Variants in ARSH observed in about 807,000 individuals in gnomAD.
The protein encoded by ARSH is arylsulfatase H.
ARSH carries 32 observed loss-of-function variants against 28.7 expected under a neutral mutation model. The observed-to-expected ratio is 1.11, with a 90% CI of 0.84 to 1.50. ARSH has a LOEUF of 1.50. Ranked by LOEUF, ARSH falls within the 40% of genes most tolerant of loss-of-function variation. The pLI is 0.00. For synonymous variants in ARSH, 176 were observed against 177.3 expected (o/e 0.99, Z 0.06); for missense variants, 440 against 452.4 (o/e 0.97, Z 0.25).
At chrX:3,012,908 C>A in intron 2 of ARSH, 139 bp from the exon 3 acceptor site, 1 of 729,118 alleles carries the variant, frequency 1.4e-6, no homozygotes, top group Non-Finnish European at 2.0e-6. Context: ...GGGTCAAGGA[C>A]GTACAGCCAG....
At chrX:3,018,057 T>C (rs1381001989) in intron 4 of ARSH, among the ~76,000 whole-genome samples, 1 of 112,119 alleles carries the variant, frequency 8.9e-6, no homozygotes, top group African/African-American at 3.2e-5. Flanking sequence ...TGGAGTGCAG[T>C]GGTGTGATAA....
chrX:3,030,071 T>C (rs948278237), intron 8 of ARSH, among the ~76,000 whole-genome samples: 2 of 110,024 alleles, frequency 1.8e-5, no homozygotes, highest in Admixed American at 9.8e-5. Context: ...GACAAACCAA[T>C]GCCATTGCAA....
Sources: allele counts gnomAD v4.1 joint callset (sites outside exome capture counted in the v4.1 genomes callset), GRCh38; gene constraint gnomAD v4.1.1; transcripts MANE v1.5; gene names NCBI Gene and HGNC (gene_info 2026-07-23, HGNC 2026-07-21).